The following PARP6 variants were observed in gnomAD, a reference collection of about 807,000 sequenced individuals.
The protein encoded by PARP6 is poly(ADP-ribose) polymerase family member 6, also known as protein mono-ADP-ribosyltransferase PARP6.
A neutral mutation model predicts 92.0 loss-of-function variants in PARP6; 27 were observed. That is an observed-to-expected ratio of 0.29 (90% CI 0.22 to 0.40). The LOEUF (loss-of-function observed/expected upper bound fraction) is 0.40, where lower values mean the gene tolerates loss of function less well. Among genes scored for constraint, PARP6 ranks in the 10% least tolerant of loss-of-function variants. PARP6 has a pLI of 1.00. For synonymous variants in PARP6, 272 were observed against 281.2 expected, an observed-to-expected ratio of 0.97 and a Z score of 0.33; for missense variants, 501 against 784.5, an observed-to-expected ratio of 0.64 and a Z score of 4.32.
In PARP6 at chr15:72,242,629, G is replaced by T; in HGVS notation, c.1632C>A (p.Thr544=). Residue 544 remains threonine, a synonymous_variant, in exon 21 of 24, where the codon ACC becomes ACA. Coordinates refer to ENST00000569795, the MANE Select transcript of PARP6 (RefSeq NM_001323532.2). The surrounding 1 kb of genome is among the most constrained non-coding windows in gnomAD (Gnocchi z 4.3). Reference sequence around the variant, plus strand: ...AGAATAGTTCCAATACCTGGGGGATGGTATTCATCCTGTTGTATCTCTGGA... The same window carrying T: ...AGAATAGTTCCAATACCTGGGGGATTGTATTCATCCTGTTGTATCTCTGGA... The part of the protein sequence containing the change: ...ELVQRYNRMN[T]IPQTRSIQSR... 6.2e-7 allele frequency: 1 copy of T among 1,602,706 alleles called. No individual in the cohort carries two copies. Among genetic ancestry groups the T allele is most frequent in the South Asian group, 1.1e-5 (1 of 90,848 alleles).
chr15:72,257,981 G>A, intron 12 of PARP6, 56 bp downstream of exon 12: 1 of 1,163,860 alleles, frequency 8.6e-7, no homozygotes, highest in Non-Finnish European at 1.3e-6. Flanking sequence ...GGAAATAAAG[G>A]AGAGGAGTGA....
chr15:72,266,144 G>T (rs533797394), intron 4 of PARP6, among the ~76,000 whole-genome samples, 153 bp from the exon 5 acceptor site: 14 of 152,322 alleles, frequency 9.2e-5, no homozygotes, highest in African/African-American at 3.4e-4. Flanking sequence ...GGGGTTCTCA[G>T]TGGTGACCCT....
chr15:72,250,835 G>T lies in PARP6; in HGVS notation c.1418+10C>A. On this transcript the variant is annotated intron_variant, in intron 18 of 23. Transcript: ENST00000569795. Reference sequence around the variant, plus strand: ...CACCACCCCCACTGCCCAGCCCCCAGCCTCCTCACTGGAAGGCAAAGGTGC... The same window carrying T: ...CACCACCCCCACTGCCCAGCCCCCATCCTCCTCACTGGAAGGCAAAGGTGC... The T allele has an allele frequency of 2.0e-6, 2 of 1,014,590 alleles. No homozygotes were observed. Among genetic ancestry groups the T allele is most frequent in the African/African-American group, 1.6e-5 (1 of 61,284 alleles). 62.8% of individuals were successfully genotyped at this position (1,014,590 alleles called of 1,614,324 possible).
chr15:72,253,099 C>T (rs373258101), intron 16 of PARP6, among the ~76,000 whole-genome samples: 9 of 150,018 alleles, frequency 6.0e-5, no homozygotes, highest in Admixed American at 2.0e-4. Flanking sequence ...CACTTGAGCA[C>T]TGAAGGGCAA....
At chr15:72,266,026 T>A in intron 4 of PARP6, 35 bp from the exon 5 acceptor site, 1 of 1,351,604 alleles carries the variant, frequency 7.4e-7, no homozygotes, top group Admixed American at 1.7e-5. Context: ...TGGAGAGAGG[T>A]GGAAAAAGAC....
chr15:72,267,308 A>C, intron 3 of PARP6, 167 bp downstream of exon 3: 1 of 697,372 alleles, frequency 1.4e-6, no homozygotes, highest in Non-Finnish European at 2.5e-6. Flanking sequence ...CTACACAAAC[A>C]CACCAAGTAA....
intron 19 of PARP6, among the ~76,000 whole-genome samples, chr15:72,249,556 TC>T (rs2084061127): frequency 6.6e-6 from 1 of 152,208 alleles, no homozygotes; most frequent in Non-Finnish European, 1.5e-5. Context: ...ACTGAGTCAG[TC>T]CCTCAGCATT....
Position 72,261,637 on chromosome 15 carries a change from TCTC to T in PARP6, c.463_465del (p.Glu155del), listed in dbSNP as rs780041695. On this transcript the variant is annotated inframe_deletion, in exon 9 of 24. Coordinates refer to ENST00000569795, the MANE Select transcript of PARP6 (RefSeq NM_001323532.2). ...CTTGCCTTGAACCAACTGTGCCTCT[TCTC>T]CTGCTGGGTCTTCAAGAAATCATTG... 2.2e-5 allele frequency: 35 copies of T among 1,613,902 alleles called. No homozygotes were observed. The highest frequency in any genetic ancestry group is 3.0e-5 in the Non-Finnish European group (35 of 1,179,952).
At chr15:72,259,540 GGT>G in intron 11 of PARP6, 66 bp downstream of exon 11, 3 of 1,217,318 alleles carry the variant, frequency 2.5e-6, no homozygotes, top group Non-Finnish European at 3.7e-6. Context: ...GGAGCTGGGA[GGT>G]GTTAGGAGAC....
Position 72,241,964 on chromosome 15 carries a change from T to C in PARP6, c.1727A>G (p.Gln576Arg), listed in dbSNP as rs2083105637. 2 of 1,613,252 alleles carry C rather than the reference T, an allele frequency of 1.2e-6. No homozygotes were observed. Among genetic ancestry groups the C allele is most frequent in the South Asian group, 1.1e-5 (1 of 91,084 alleles). The part of the protein sequence containing the change: ...LCEVITSKDL[Q>R]KHGNIWVCPV... The stretch of plus-strand genomic sequence containing the variant: ...GCACACCCAGATGTTCCCATGCTTC[T>C]GGAGGTCCTTAGATGTAATCACTGG... Residue 576 changes from glutamine to arginine, a missense_variant, in exon 23 of 24, where the codon CAG becomes CGG. Gln to Arg is a conservative substitution (Grantham distance 43). Around this residue, in one of 4 missense-constraint regions of PARP6, gnomAD observed 191 missense variants for 399.1 expected, o/e 0.48. Transcript: ENST00000569795. This position sits in a 1 kb window ranked among gnomAD's most constrained non-coding sequence, Gnocchi z 4.1.
At position 72,241,767 on chromosome 15, in the gene PARP6, T is replaced by A. The variant is rs955121576; in HGVS notation, c.1790+134A>T. The A allele has an allele frequency of 1.3e-6, 1 of 796,296 alleles. No individual in the cohort carries two copies. Among genetic ancestry groups the A allele is most frequent in the African/African-American group, 1.7e-5 (1 of 59,232 alleles). The allele number at this position is 796,296 out of a possible 1,614,324, so 49.3% of individuals were successfully genotyped here. A position where few individuals can be genotyped will look rare whatever the true frequency, so the allele number is the denominator to read the frequency against. On this transcript the variant is annotated intron_variant, in intron 23 of 23. Coordinates refer to ENST00000569795, the MANE Select transcript of PARP6 (RefSeq NM_001323532.2). The surrounding 1 kb of genome is among the most constrained non-coding windows in gnomAD (Gnocchi z 4.1). The stretch of plus-strand genomic sequence containing the variant: ...CCATTCCCATCCTCCAATGGTAAAG[T>A]CCCAGTGACAGCTCCACTCAGGTAG...
Position 72,250,802 on chromosome 15 carries a change from CGCCCCCTCACCACCCCCACTGCCCA to C in PARP6, c.1418+18_1418+42del. 1 of 950,816 alleles carries C rather than the reference CGCCCCCTCACCACCCCCACTGCCCA, an allele frequency of 1.1e-6. No homozygotes were observed. The highest frequency in any genetic ancestry group is 1.7e-6 in the Non-Finnish European group (1 of 603,294). The allele number at this position is 950,816 out of a possible 1,614,324, so 58.9% of individuals were successfully genotyped here. ...CAAGGGCATCCTTCTTGCTCATCCC[CGCCCCCTCACCACCCCCACTGCCCA>C]GCCCCCAGCCTCCTCACTGGAAGGC... On this transcript the variant is annotated intron_variant, in intron 18 of 23. Transcript: ENST00000569795.
chr15:72,242,034 A>G lies in PARP6; in HGVS notation c.1706-49T>C. The stretch of plus-strand genomic sequence containing the variant: ...CATAGATACAATGCTTAAGGCACAG[A>G]GTCCAGGCAGGAGAAGGAAGCCATG... On this transcript the variant is annotated intron_variant, in intron 22 of 23. Coordinates refer to ENST00000569795, the MANE Select transcript of PARP6 (RefSeq NM_001323532.2). This position sits in a 1 kb window ranked among gnomAD's most constrained non-coding sequence, Gnocchi z 4.3. 1 of 1,502,032 alleles carries G rather than the reference A, an allele frequency of 6.7e-7. No individual in the cohort carries two copies. The highest frequency in any genetic ancestry group is 9.3e-7 in the Non-Finnish European group (1 of 1,077,822). 93.0% of individuals were successfully genotyped at this position (1,502,032 alleles called of 1,614,324 possible).
In PARP6 at chr15:72,261,577, T is replaced by A. The variant is rs779144521; in HGVS notation, c.526A>T (p.Ile176Phe). 3 of 1,614,164 alleles carry A rather than the reference T, an allele frequency of 1.9e-6. No homozygotes were observed. The East Asian group carries it at 6.7e-5, about 36-fold the overall frequency. The change falls in exon 9 of 24, where the codon ATC becomes TTC. Residue 176 changes from isoleucine (I) to phenylalanine (F), a missense_variant. Transcript: ENST00000569795. ...TIKKFRAGLSIFSPIPKSPSF... is the reference protein window; with the variant it reads ...TIKKFRAGLSFFSPIPKSPSF... The stretch of plus-strand genomic sequence containing the variant: ...ACTTACTTGGGGATGGGTGAAAAGA[T>A]GCTGAGGCCAGCTCGGAACTTCTTG...
intron 16 of PARP6, among the ~76,000 whole-genome samples, chr15:72,251,921 CTTTGT>C (rs1223218921): frequency 1.3e-5 from 2 of 152,222 alleles, no homozygotes; most frequent in African/African-American, 4.8e-5. Flanking sequence ...TTGCTGTTGT[CTTTGT>C]TTTTTGTGCC....
intron 16 of PARP6, among the ~76,000 whole-genome samples, chr15:72,252,070 G>C (rs566473590): frequency 6.6e-6 from 1 of 152,324 alleles, no homozygotes; most frequent in African/African-American, 2.4e-5. Flanking sequence ...AAAAGGGAAA[G>C]CTATGTCAGG....
rs764702215 is a variant in PARP6, at chr15:72,250,111, T to A, written c.1419-19A>T. 5 of 1,531,584 alleles carry A rather than the reference T, an allele frequency of 3.3e-6. No individual in the cohort carries two copies. The highest frequency in any genetic ancestry group is 3.3e-5 in the Admixed American group (2 of 59,902). The allele number at this position is 1,531,584 out of a possible 1,614,324, so 94.9% of individuals were successfully genotyped here. A position where few individuals can be genotyped will look rare whatever the true frequency, so the allele number is the denominator to read the frequency against. Reference sequence around the variant, plus strand: ...GGACCCACTGTAAGGCAGGGTAGAATACATGTCTCCTTATGATATGAGGTT... The same window carrying A: ...GGACCCACTGTAAGGCAGGGTAGAAAACATGTCTCCTTATGATATGAGGTT... On this transcript the variant is annotated intron_variant, in intron 18 of 23. Transcript: ENST00000569795.
At chr15:72,250,769 T>C (rs1171504982) in intron 18 of PARP6, 76 bp downstream of exon 18, 3 of 775,490 alleles carry the variant, frequency 3.9e-6, no homozygotes, top group Non-Finnish European at 6.6e-6. Context: ...TAACACAAAC[T>C]CATATCTCAA....
intron 20 of PARP6, among the ~76,000 whole-genome samples, chr15:72,246,068 T>A (rs2083565029): frequency 6.6e-6 from 1 of 152,250 alleles, no homozygotes; most frequent in Non-Finnish European, 1.5e-5. Context: ...CAGAGTAAGA[T>A]TCACTCATAT....
Sources: gnomAD v4.1 joint callset for allele counts (sites outside exome capture counted in the v4.1 genomes callset) on GRCh38, gnomAD v4.1.1 for gene constraint, gnomAD v4.1.1 regional missense constraint, Gnocchi (gnomAD v3.1) non-coding constraint, MANE v1.5 for transcripts, NCBI Gene and HGNC (gene_info 2026-07-23, HGNC 2026-07-21) for gene names.